Variants in OTOGL observed in about 807,000 individuals in gnomAD.
The protein encoded by OTOGL is otogelin-like protein.
A neutral mutation model predicts 318.5 loss-of-function variants in OTOGL; 285 were observed. The observed-to-expected ratio is 0.89, with a 90% confidence interval of 0.81 to 0.99. The LOEUF is 0.99. Among genes scored for constraint, OTOGL ranks in the 50% least tolerant of loss-of-function variants. The pLI is 0.00. For missense variants in OTOGL, 2,899 were observed against 2,845.6 expected, an observed-to-expected ratio of 1.02 and a Z score of -0.43; for synonymous variants, 987 against 936.5, an observed-to-expected ratio of 1.05 and a Z score of -0.99.
intron 24 of OTOGL, among the ~76,000 whole-genome samples, chr12:80,272,544 T>C (rs1459863935): frequency 6.6e-6 from 1 of 151,900 alleles, no homozygotes; most frequent in Non-Finnish European, 1.5e-5. Context: ...TAATCTGGCC[T>C]CCCTGGCCCT....
chr12:80,121,511 G>A (rs1157529854), intron 1 of OTOGL, among the ~76,000 whole-genome samples: 1 of 152,092 alleles, frequency 6.6e-6, no homozygotes. Flanking sequence ...CCCTAGAGCA[G>A]AGAGTCTATA....
chr12:80,200,931 A>G (rs763774692), intron 1 of OTOGL, among the ~76,000 whole-genome samples: 3 of 152,316 alleles, frequency 2.0e-5, no homozygotes, highest in Admixed American at 6.5e-5. Flanking sequence ...CACTTTGGCA[A>G]TGGAGGACGC....
At chr12:80,313,157 G>A (rs1186670389) in intron 30 of OTOGL, among the ~76,000 whole-genome samples, 1 of 152,112 alleles carries the variant, frequency 6.6e-6, no homozygotes, top group African/African-American at 2.4e-5. Flanking sequence ...GAAGCAGAAG[G>A]TGCCCTTATT....
intron 56 of OTOGL, among the ~76,000 whole-genome samples, chr12:80,371,242 C>T (rs879123348): frequency 6.6e-6 from 1 of 151,938 alleles, no homozygotes; most frequent in Admixed American, 6.6e-5. Flanking sequence ...TTTTATTTTG[C>T]AAGATTTTTG....
intron 4 of OTOGL, among the ~76,000 whole-genome samples, chr12:80,216,375 G>C (rs1436201408): frequency 6.6e-6 from 1 of 152,014 alleles, no homozygotes; most frequent in Non-Finnish European, 1.5e-5. Flanking sequence ...GCAAGTTTGG[G>C]TGTGTTTATT....
At chr12:80,295,730 C>A (rs1409164620) in intron 26 of OTOGL, among the ~76,000 whole-genome samples, 1 of 152,108 alleles carries the variant, frequency 6.6e-6, no homozygotes, top group Non-Finnish European at 1.5e-5. Flanking sequence ...TGACAAGAAG[C>A]CATGTACTTT....
intron 1 of OTOGL, among the ~76,000 whole-genome samples, chr12:80,200,134 G>A (rs1351332833): frequency 2.6e-5 from 4 of 152,156 alleles, no homozygotes; most frequent in Non-Finnish European, 5.9e-5. Flanking sequence ...GAAATATAAA[G>A]ATGCATAAAT....
chr12:80,305,297 A>G (rs1886035695), intron 28 of OTOGL, among the ~76,000 whole-genome samples: 1 of 152,168 alleles, frequency 6.6e-6, no homozygotes, highest in Non-Finnish European at 1.5e-5. Flanking sequence ...TACTTTTCAA[A>G]GTTATTTATG....
At chr12:80,375,872 T>A (rs1004400753) in intron 57 of OTOGL, among the ~76,000 whole-genome samples, 3 of 151,978 alleles carry the variant, frequency 2.0e-5, no homozygotes, top group Non-Finnish European at 2.9e-5. Flanking sequence ...CCAACAGCAC[T>A]GAGCCTCGAG....
chr12:80,351,852 G>A (rs1328327498), intron 44 of OTOGL, among the ~76,000 whole-genome samples: 2 of 152,150 alleles, frequency 1.3e-5, no homozygotes, highest in Non-Finnish European at 2.9e-5. Context: ...TATAAATTAT[G>A]TAACTAATAT....
intron 57 of OTOGL, among the ~76,000 whole-genome samples, chr12:80,376,124 G>A (rs1015761797): frequency 1.3e-5 from 2 of 152,176 alleles, no homozygotes; most frequent in Middle Eastern, 3.4e-3. Context: ...AGTCAGATAG[G>A]GTGAGAACTG....
Position 80,265,079 on chromosome 12 carries a change from A to G in OTOGL, c.2093A>G (p.Tyr698Cys). ...CACATCTATATTAGCCCTGGGCTGT[A>G]CTATCAGCTATGCCGCCACGATGCA... ...PCHIYISPGL[Y>C]YQLCRHDACK... Residue 698 changes from tyrosine (Y) to cysteine (C), a missense_variant, in exon 20 of 59, where the codon TAC becomes TGC. Coordinates refer to ENST00000547103, the MANE Select transcript of OTOGL (RefSeq NM_001378609.3). The G allele has an allele frequency of 3.1e-6, 5 of 1,613,898 alleles. No individual in the cohort carries two copies. Among genetic ancestry groups the G allele is most frequent in the Non-Finnish European group, 4.2e-6 (5 of 1,179,862 alleles).
At position 80,313,482 on chromosome 12, in the gene OTOGL, G is replaced by A. The variant is rs200467965; in HGVS notation, c.3457G>A (p.Val1153Ile). 7.0e-5 allele frequency: 113 copies of A among 1,607,320 alleles called. 1 individual carries two copies. The highest frequency in any genetic ancestry group is 8.4e-5 in the Non-Finnish European group (99 of 1,174,856). ...CTTTCACCTCATTTTTCAGATTGAC[G>A]TTACTTCTTTTGCCAAAAATTGTCA... ...IFASCRNVID[V>I]TSFAKNCHED... The change falls in exon 31 of 59, where the codon GTT becomes ATT. Residue 1153 changes from valine (V) to isoleucine (I), a missense_variant. Val to Ile is a conservative substitution (Grantham distance 29, BLOSUM62 3). Coordinates refer to ENST00000547103, the MANE Select transcript of OTOGL (RefSeq NM_001378609.3).
At chr12:80,115,950 C>T (rs747571192) in intron 1 of OTOGL, among the ~76,000 whole-genome samples, 28 of 152,110 alleles carry the variant, frequency 1.8e-4, no homozygotes, top group Middle Eastern at 3.2e-3. Context: ...GTGCTGGCAG[C>T]GAGAATTTCA....
In OTOGL at chr12:80,148,139, T is replaced by C. The variant is rs529556194; in HGVS notation, c.-20+48534T>C. Among the ~76,000 whole-genome samples the C allele has an allele frequency of 6.4e-3, 969 of 152,008 alleles. 14 individuals are homozygous for C. Among genetic ancestry groups the C allele is most frequent in the African/African-American group, 0.021 (856 of 41,436 alleles). Reference sequence around the variant, plus strand: ...TTTGCTCGTTAGTTGATGCAGTTTCTTCCTAGTCTCGATGGTCTTTACATT... The same window carrying C: ...TTTGCTCGTTAGTTGATGCAGTTTCCTCCTAGTCTCGATGGTCTTTACATT... On this transcript the variant is annotated intron_variant, in intron 1 of 58. Coordinates refer to ENST00000547103, the MANE Select transcript of OTOGL (RefSeq NM_001378609.3).
At chr12:80,221,390 G>A (rs944966419) in intron 6 of OTOGL, among the ~76,000 whole-genome samples, 4 of 151,320 alleles carry the variant, frequency 2.6e-5, no homozygotes, top group Non-Finnish European at 5.9e-5. Flanking sequence ...TCAGCCTCCT[G>A]GGTAGCTGGG....
intron 6 of OTOGL, 103 bp downstream of exon 6, chr12:80,220,015 C>G (rs1183846417): frequency 1.1e-5 from 9 of 811,716 alleles, no homozygotes; most frequent in Non-Finnish European, 1.7e-5. Context: ...TGTATATTAA[C>G]TAGAGAGCCC....
At chr12:80,146,526 G>A (rs1035305226) in intron 1 of OTOGL, among the ~76,000 whole-genome samples, 1 of 151,346 alleles carries the variant, frequency 6.6e-6, no homozygotes. Flanking sequence ...TCTCTTTTTT[G>A]GTTGTGTCTC....
At chr12:80,336,198 T>G in intron 39 of OTOGL, 58 bp downstream of exon 39, 1 of 1,469,674 alleles carries the variant, frequency 6.8e-7, no homozygotes, top group Non-Finnish European at 9.0e-7. Flanking sequence ...CTGGAGAGAT[T>G]GTTACTTTTT....
Sources: allele counts gnomAD v4.1 joint callset (sites outside exome capture counted in the v4.1 genomes callset), GRCh38; gene constraint gnomAD v4.1.1; transcripts MANE v1.5; gene names NCBI Gene and HGNC (gene_info 2026-07-23, HGNC 2026-07-21).